Variants in CRB1 observed in about 807,000 individuals in gnomAD.
The protein encoded by CRB1 is crumbs cell polarity complex component 1.
CRB1 carries 83 observed loss-of-function variants against 120.0 expected under a neutral mutation model. The observed-to-expected ratio is 0.69, with a 90% CI of 0.58 to 0.83. The LOEUF (loss-of-function observed/expected upper bound fraction) is 0.83. Ranked by LOEUF, CRB1 falls within the 40% of genes least tolerant of loss-of-function variation. The pLI is 0.00. For synonymous variants in CRB1, 625 were observed against 612.5 expected (o/e 1.02, Z -0.30); for missense variants, 1,699 against 1,687.6 (o/e 1.01, Z -0.12).
intron 11 of CRB1, among the ~76,000 whole-genome samples, chr1:197,476,400 G>A (rs923268246): frequency 6.6e-5 from 10 of 151,402 alleles, no homozygotes; most frequent in South Asian, 2.1e-4. Flanking sequence ...GTGTGTGTGC[G>A]CGTCTTCCTC....
chr1:197,325,603 C>T (rs963442345), intron 1 of CRB1, among the ~76,000 whole-genome samples: 4 of 151,822 alleles, frequency 2.6e-5, no homozygotes, highest in Admixed American at 6.6e-5. Context: ...TTTCAAATAA[C>T]GCCAACCATA....
chr1:197,220,740 G>T, the CRB1 span, among the ~76,000 whole-genome samples: 1 of 152,104 alleles, frequency 6.6e-6, no homozygotes, highest in African/African-American at 2.4e-5. Flanking sequence ...AGATCATGGG[G>T]GTGAATTTCC....
At chr1:197,264,365 A>G (rs899579567), upstream of CRB1, among the ~76,000 whole-genome samples, 1 of 152,106 alleles carries the variant, frequency 6.6e-6, no homozygotes, top group Admixed American at 6.5e-5. Context: ...TCTTTATCCA[A>G]TCATCCATTG....
chr1:197,277,833 T>C (rs1353880050), intron 1 of CRB1, among the ~76,000 whole-genome samples: 2 of 151,880 alleles, frequency 1.3e-5, no homozygotes, highest in African/African-American at 2.4e-5. Context: ...ATTATCTAAT[T>C]ACCACGTTTT....
At chr1:197,477,497 T>C in intron 11 of CRB1, 167 bp from the exon 12 acceptor site, 2 of 717,778 alleles carry the variant, frequency 2.8e-6, no homozygotes, top group Admixed American at 2.0e-5. Flanking sequence ...TTGTAAATGA[T>C]TTGAGAATAA....
the CRB1 span, among the ~76,000 whole-genome samples, chr1:197,240,342 A>G: frequency 6.6e-6 from 1 of 151,974 alleles, no homozygotes; most frequent in Non-Finnish European, 1.5e-5. Context: ...TACGTTAGGT[A>G]TTTCTTCTAA....
intron 5 of CRB1, among the ~76,000 whole-genome samples, chr1:197,407,581 C>T (rs990652907): frequency 6.6e-6 from 1 of 152,020 alleles, no homozygotes; most frequent in African/African-American, 2.4e-5. Context: ...AAATTTTAGA[C>T]CAGTTCTGAG....
At chr1:197,398,352 G>A (rs1662881808) in intron 5 of CRB1, among the ~76,000 whole-genome samples, 1 of 152,080 alleles carries the variant, frequency 6.6e-6, no homozygotes, top group Admixed American at 6.6e-5. Flanking sequence ...GTAAAGTTGA[G>A]CATTGTAAAC....
At chr1:197,477,573 G>A (rs991039122) in intron 11 of CRB1, 91 bp from the exon 12 acceptor site, 1 of 1,202,430 alleles carries the variant, frequency 8.3e-7, no homozygotes, top group Non-Finnish European at 1.2e-6. Context: ...GCTTGCTCTG[G>A]TTGGTCTTCA....
chr1:197,387,780 T>C (rs997893292), intron 5 of CRB1, among the ~76,000 whole-genome samples: 1 of 151,856 alleles, frequency 6.6e-6, no homozygotes, highest in Non-Finnish European at 1.5e-5. Context: ...AGAATACAAG[T>C]TTATTAAAGG....
intron 4 of CRB1, among the ~76,000 whole-genome samples, chr1:197,351,565 C>T (rs75687625): frequency 0.016 from 2,485 of 152,118 alleles, 76 homozygotes; most frequent in African/African-American, 0.057. Context: ...AGAGAAATAA[C>T]AAAATTTGCT....
intron 4 of CRB1, among the ~76,000 whole-genome samples, chr1:197,354,192 C>T (rs904227985): frequency 1.2e-4 from 19 of 152,176 alleles, no homozygotes; most frequent in African/African-American, 4.6e-4. Flanking sequence ...TCATCCACTG[C>T]TGGTAATGTG....
At chr1:197,348,769 C>T (rs1309564947) in intron 4 of CRB1, among the ~76,000 whole-genome samples, 2 of 152,142 alleles carry the variant, frequency 1.3e-5, no homozygotes, top group Non-Finnish European at 2.9e-5. Flanking sequence ...AGCCACTGCG[C>T]CTGGCCCATA....
the CRB1 span, among the ~76,000 whole-genome samples, chr1:197,248,485 G>A: frequency 3.3e-5 from 5 of 151,894 alleles, no homozygotes; most frequent in South Asian, 1.0e-3. Flanking sequence ...TCCAAATTGT[G>A]TAATAAATAC....
At chr1:197,428,170 T>A (rs1401659240) in intron 7 of CRB1, among the ~76,000 whole-genome samples, 169 bp downstream of exon 7, 1 of 152,234 alleles carries the variant, frequency 6.6e-6, no homozygotes. Context: ...AAATTTACAT[T>A]GAGCCATAGA....
the CRB1 span, chr1:197,222,797 G>C: frequency 1.4e-6 from 2 of 1,392,902 alleles, no homozygotes; most frequent in East Asian, 2.3e-5. Flanking sequence ...TTTCAAGCTT[G>C]GTGTCTTGTC....
At chr1:197,258,728 A>T in the CRB1 span, among the ~76,000 whole-genome samples, 1 of 152,150 alleles carries the variant, frequency 6.6e-6, no homozygotes, top group Non-Finnish European at 1.5e-5. Flanking sequence ...CTTCTCTTCC[A>T]GAGTGACTTA....
intron 3 of CRB1, among the ~76,000 whole-genome samples, chr1:197,346,576 A>G (rs534070791): frequency 1.9e-4 from 29 of 152,358 alleles, no homozygotes; most frequent in Non-Finnish European, 3.2e-4. Flanking sequence ...TTATAAATTC[A>G]TAGATATTCT....
intron 4 of CRB1, among the ~76,000 whole-genome samples, chr1:197,355,437 G>A (rs1030849424): frequency 3.3e-5 from 5 of 152,224 alleles, no homozygotes; most frequent in Non-Finnish European, 5.9e-5. Context: ...CCGGCGCCGC[G>A]GAGCAGGGGG....
Sources: gnomAD v4.1 joint callset for allele counts (sites outside exome capture counted in the v4.1 genomes callset) on GRCh38, gnomAD v4.1.1 for gene constraint, MANE v1.5 for transcripts, NCBI Gene and HGNC (gene_info 2026-07-23, HGNC 2026-07-21) for gene names.